The following PELP1 variants were observed in gnomAD, a reference collection of about 807,000 sequenced individuals.
The protein encoded by PELP1 is proline-, glutamic acid- and leucine-rich protein 1.
A neutral mutation model predicts 95.5 loss-of-function variants in PELP1; 32 were observed. The observed-to-expected ratio is 0.34, with a 90% CI of 0.25 to 0.45. PELP1 has a LOEUF of 0.45. PELP1 is among the 20% of genes least tolerant of loss of function. The pLI, the probability that PELP1 is intolerant of heterozygous loss-of-function variation, is 1.00. For synonymous variants in PELP1, 668 were observed against 600.1 expected (o/e 1.11, Z -1.65); for missense variants, 1,358 against 1,444.8 (o/e 0.94, Z 0.97).
Position 4,672,911 on chromosome 17 carries a change from GGCCT to G in PELP1, c.2076_2079del (p.Gly693LeufsTer16). On this transcript the variant is annotated frameshift_variant, in exon 16 of 17. Transcript: ENST00000572293. LOFTEE classifies it high-confidence loss of function. The stretch of plus-strand genomic sequence containing the variant: ...GGTCCAGGGCGTGCCGAGGGCACAG[GGCCT>G]GCTGAGGGCATGGGGCCTGCTGAAG... 6.2e-7 allele frequency: 1 copy of G among 1,612,900 alleles called. No homozygotes were observed. The highest frequency in any genetic ancestry group is 8.5e-7 in the Non-Finnish European group (1 of 1,179,472).
At chr17:4,676,570 C>T (rs1423552215) in intron 6 of PELP1, 63 bp from the exon 7 acceptor site, 2 of 1,581,780 alleles carry the variant, frequency 1.3e-6, no homozygotes, top group African/African-American at 2.7e-5. Context: ...GAACCCCCAG[C>T]CCCACTGACA....
At chr17:4,684,862 A>G (rs1172175201) in intron 3 of PELP1, among the ~76,000 whole-genome samples, 3 of 151,934 alleles carry the variant, frequency 2.0e-5, no homozygotes, top group African/African-American at 7.3e-5. Context: ...CACCATGCCC[A>G]GTTAATTTTT....
chr17:4,685,587 C>T (rs1329471262), intron 3 of PELP1, among the ~76,000 whole-genome samples: 2 of 151,260 alleles, frequency 1.3e-5, no homozygotes, highest in Non-Finnish European at 2.9e-5. Context: ...CCCAGAAGTT[C>T]GAGACCAGCC....
At position 4,675,927 on chromosome 17, in the gene PELP1, T is replaced by C. The variant is rs1912449637; in HGVS notation, c.981-43A>G. The C allele has an allele frequency of 6.3e-7, 1 of 1,582,342 alleles. No homozygotes were observed. Among genetic ancestry groups the C allele is most frequent in the East Asian group, 2.3e-5 (1 of 43,818 alleles). ...AGGGAGACCTTCAGAGCAGGCTCCC[T>C]GGCATAACTCCCACACCCACCTTCA... On this transcript the variant is annotated intron_variant, in intron 8 of 16. Coordinates refer to ENST00000572293, the MANE Select transcript of PELP1 (RefSeq NM_014389.3). This position sits in a 1 kb window ranked among gnomAD's most constrained non-coding sequence, Gnocchi z 4.3.
In PELP1 at chr17:4,672,997, A is replaced by G. The variant is rs1338373961; in HGVS notation, c.1994T>C (p.Phe665Ser). 1 of 1,557,854 alleles carries G rather than the reference A, an allele frequency of 6.4e-7. No individual in the cohort carries two copies. The highest frequency in any genetic ancestry group is 2.3e-5 in the East Asian group (1 of 44,414). Reference sequence around the variant, plus strand: ...TGAGGGCATGGGGCCCGGAGGATGGAACGGTGGGGCCCTGAAGGGCGATGG... The same window carrying G: ...TGAGGGCATGGGGCCCGGAGGATGGGACGGTGGGGCCCTGAAGGGCGATGG... ...EAPSPFRAPP[F>S]HPPGPMPSVG... is the part of the protein sequence containing the mutation. Residue 665 changes from phenylalanine (F) to serine (S), a missense_variant, in exon 16 of 17, where the codon TTC becomes TCC. Physicochemically the swap from Phe to Ser is radical, Grantham distance 155. Around this residue, in one of 7 missense-constraint regions of PELP1, gnomAD observed 340 missense variants for 322.9 expected, o/e 1.05. Coordinates refer to ENST00000572293, the MANE Select transcript of PELP1 (RefSeq NM_014389.3).
intron 3 of PELP1, among the ~76,000 whole-genome samples, chr17:4,689,029 C>G: frequency 6.6e-6 from 1 of 152,072 alleles, no homozygotes; most frequent in Non-Finnish European, 1.5e-5. Context: ...AAGGGAGAAC[C>G]CAGATATAAA....
intron 5 of PELP1, among the ~76,000 whole-genome samples, chr17:4,682,090 G>A (rs1361879320): frequency 6.6e-6 from 1 of 152,118 alleles, no homozygotes; most frequent in Non-Finnish European, 1.5e-5. Flanking sequence ...AGCCCAGGAG[G>A]TCAAGGCTAC....
intron 2 of PELP1, 64 bp downstream of exon 2, chr17:4,691,314 A>T: frequency 8.9e-7 from 1 of 1,129,842 alleles, no homozygotes; most frequent in Non-Finnish European, 1.3e-6. Flanking sequence ...GAAAGCAAAG[A>T]TGTACATATG....
Position 4,676,055 on chromosome 17 carries a change from A to C in PELP1, c.961T>G (p.Cys321Gly). Residue 321 changes from cysteine (C) to glycine (G), a missense_variant, in exon 8 of 17, where the codon TGC (cysteine) becomes GGC (glycine). By Grantham distance (159) the Cys-to-Gly change is radical. Coordinates refer to ENST00000572293, the MANE Select transcript of PELP1 (RefSeq NM_014389.3). ...LRQRFSGLARCLGLMLSSEFG... is the reference protein window; with the variant it reads ...LRQRFSGLARGLGLMLSSEFG... ...ACACACCTGAGCATGAGCCCTAGGCAGCGGGCCAGTCCCGAAAACCTCTGC... is the reference window on the plus strand; with the variant it reads ...ACACACCTGAGCATGAGCCCTAGGCCGCGGGCCAGTCCCGAAAACCTCTGC... 1 of 1,613,914 alleles carries C rather than the reference A, an allele frequency of 6.2e-7. No individual in the cohort carries two copies. Among genetic ancestry groups the C allele is most frequent in the African/African-American group, 1.3e-5 (1 of 74,998 alleles).
At position 4,672,144 on chromosome 17, in the gene PELP1, C is replaced by T; in HGVS notation, c.2847G>A (p.Glu949=). The T allele has an allele frequency of 1.9e-6, 3 of 1,540,456 alleles. No individual in the cohort carries two copies. The highest frequency in any genetic ancestry group is 2.6e-6 in the Non-Finnish European group (3 of 1,143,582). Residue 949 remains glutamate (E), a synonymous_variant, in exon 16 of 17, where the codon GAG becomes GAA. Transcript: ENST00000572293. ...EGELEEEEEE[E]DEEEEEELEE... is the part of the protein sequence containing the mutation. ...CCAGTTCTTCTTCCTCCTCCTCATC[C>T]TCCTCTTCTTCTTCTTCCTCTAACT... is the stretch of plus-strand genomic sequence containing the variant.
chr17:4,681,595 A>T (rs969482719), intron 5 of PELP1, among the ~76,000 whole-genome samples: 2 of 151,016 alleles, frequency 1.3e-5, no homozygotes, highest in African/African-American at 2.4e-5. Flanking sequence ...AAGTCAAGAG[A>T]TCGAGACCAT....
intron 8 of PELP1, 29 bp downstream of exon 8, chr17:4,676,007 C>T (rs920938403): frequency 6.2e-7 from 1 of 1,612,600 alleles, no homozygotes; most frequent in Non-Finnish European, 8.5e-7. Context: ...CTGCTCCACG[C>T]CTCCGCTCCC....
At chr17:4,686,164 C>G (rs1279186360) in intron 3 of PELP1, among the ~76,000 whole-genome samples, 1 of 152,124 alleles carries the variant, frequency 6.6e-6, no homozygotes, top group Admixed American at 6.5e-5. Flanking sequence ...CCGGCCACTT[C>G]CACTGATGCC....
intron 2 of PELP1, 171 bp from the exon 3 acceptor site, chr17:4,691,164 C>A (rs1913081954): frequency 1.5e-6 from 1 of 649,610 alleles, no homozygotes; most frequent in Non-Finnish European, 2.7e-6. Context: ...AAGAAGGGAG[C>A]AGAGGTAATC....
intron 1 of PELP1, among the ~76,000 whole-genome samples, chr17:4,693,625 G>A (rs1913190538): frequency 1.3e-5 from 2 of 152,162 alleles, no homozygotes; most frequent in Admixed American, 1.3e-4. Flanking sequence ...TCACCGAGAT[G>A]GTTACAAGAT....
intron 5 of PELP1, 42 bp from the exon 6 acceptor site, chr17:4,676,854 C>G (rs756772232): frequency 6.8e-7 from 1 of 1,461,744 alleles, no homozygotes; most frequent in South Asian, 1.2e-5. Context: ...TGAGCCAGCT[C>G]TGAGAGCCAG....
At position 4,670,392 on chromosome 17, in the gene PELP1, T is replaced by A. The variant is rs1378960592; in HGVS notation, c.*1047A>T. 6.6e-6 allele frequency: 1 copy of A among 152,148 alleles called. No homozygotes were observed. Among genetic ancestry groups the A allele is most frequent in the East Asian group, 1.9e-4 (1 of 5,198 alleles). The allele number at this position is 152,148 out of a possible 1,614,324, so 9.4% of individuals were successfully genotyped here. ...CTCTCGGTTCATCCTCACACGTCCA[T>A]CCCAGCAAGGCCTAGAATAGGATTA... is the stretch of plus-strand genomic sequence containing the variant. On this transcript the variant is annotated 3_prime_UTR_variant, in exon 17 of 17. Transcript: ENST00000572293.
Position 4,682,535 on chromosome 17 carries a change from C to T in PELP1, c.609G>A (p.Met203Ile). The change falls in exon 5 of 17, where the codon ATG becomes ATA. Residue 203 changes from methionine (M) to isoleucine (I), a missense_variant. Transcript: ENST00000572293. ...QSALEGMKAC[M>I]TYFPRACGSL... ...AACCACAAGCCCGAGGGAAATAGGTCATACAAGCCTTCATTCCTTCCAATG... is the reference window on the plus strand; with the variant it reads ...AACCACAAGCCCGAGGGAAATAGGTTATACAAGCCTTCATTCCTTCCAATG... 1 of 1,613,282 alleles carries T rather than the reference C, an allele frequency of 6.2e-7. No individual in the cohort carries two copies. The highest frequency in any genetic ancestry group is 8.5e-7 in the Non-Finnish European group (1 of 1,179,258).
intron 5 of PELP1, among the ~76,000 whole-genome samples, chr17:4,677,787 G>A (rs142504383): frequency 0.028 from 4,284 of 152,176 alleles, 185 homozygotes; most frequent in African/African-American, 0.097. Context: ...AAACTTAGCC[G>A]GGTGTGGTGG....
Sources: gnomAD v4.1 joint callset for allele counts (sites outside exome capture counted in the v4.1 genomes callset) on GRCh38, gnomAD v4.1.1 for gene constraint, gnomAD v4.1.1 regional missense constraint, Gnocchi (gnomAD v3.1) non-coding constraint, MANE v1.5 for transcripts, NCBI Gene and HGNC (gene_info 2026-07-23, HGNC 2026-07-21) for gene names.